Variants in STRN3 observed in about 807,000 individuals in gnomAD.
STRN3 encodes striatin 3.
STRN3 carries 29 observed loss-of-function variants against 95.6 expected under a neutral mutation model. The observed-to-expected ratio is 0.30, with a 90% CI of 0.23 to 0.41. The LOEUF (loss-of-function observed/expected upper bound fraction) is 0.41, where lower values mean the gene tolerates loss of function less well. STRN3 is among the 10% of genes least tolerant of loss of function. The pLI is 1.00. For missense variants in STRN3, 890 were observed against 972.1 expected, an observed-to-expected ratio of 0.92 and a Z score of 1.12; for synonymous variants, 331 against 357.6, an observed-to-expected ratio of 0.93 and a Z score of 0.84.
At chr14:30,909,182 G>C (rs562982229) in intron 13 of STRN3, among the ~76,000 whole-genome samples, 1 of 152,304 alleles carries the variant, frequency 6.6e-6, no homozygotes, top group East Asian at 1.9e-4. Flanking sequence ...AAAAACTACT[G>C]AACTGTAGAC....
chr14:30,925,618 A>G (rs1489911864), intron 8 of STRN3, among the ~76,000 whole-genome samples: 1 of 152,222 alleles, frequency 6.6e-6, no homozygotes, highest in Non-Finnish European at 1.5e-5. Flanking sequence ...TTCTGGTTCA[A>G]TTACACAGTA....
At chr14:30,914,471 G>A (rs1896685553) in intron 9 of STRN3, among the ~76,000 whole-genome samples, 1 of 152,028 alleles carries the variant, frequency 6.6e-6, no homozygotes, top group Admixed American at 6.6e-5. Context: ...TCCTGTCTCG[G>A]TCTCCCAAGT....
At chr14:31,025,763 G>T in intron 1 of STRN3, 141 bp downstream of exon 1, 1 of 1,159,936 alleles carries the variant, frequency 8.6e-7, no homozygotes, top group Non-Finnish European at 1.2e-6. Flanking sequence ...CCGTTGAGAG[G>T]ACCATCACAA....
intron 1 of STRN3, among the ~76,000 whole-genome samples, chr14:30,984,964 T>A (rs1881607428): frequency 6.6e-6 from 1 of 152,166 alleles, no homozygotes; most frequent in South Asian, 2.1e-4. Flanking sequence ...TTTTATGAAG[T>A]ATCCTAAGCT....
Position 30,895,528 on chromosome 14 carries a change from T to C in STRN3, c.2277A>G (p.Gln759=). 6.2e-7 allele frequency: 1 copy of C among 1,614,168 alleles called. No individual in the cohort carries two copies. The highest frequency in any genetic ancestry group is 8.5e-7 in the Non-Finnish European group (1 of 1,180,028). ...LWNLDSKTCV[Q]EITAHRKKLD... ...ATTTCTTTCTGTGAGCTGTTATTTC[T>C]TGCACACATGTCTTGCTGTCTAAAT... is the stretch of plus-strand genomic sequence containing the variant. The change falls in exon 18 of 18, where the codon CAA becomes CAG. Residue 759 remains glutamine, a synonymous_variant. Coordinates refer to ENST00000357479, the MANE Select transcript of STRN3 (RefSeq NM_001083893.2).
At chr14:30,952,231 C>T (rs182011607) in intron 3 of STRN3, among the ~76,000 whole-genome samples, 6 of 152,184 alleles carry the variant, frequency 3.9e-5, no homozygotes, top group Admixed American at 2.6e-4. Flanking sequence ...AAATACTTCC[C>T]CGTAAGTTCC....
rs773480793 is a variant in STRN3, at chr14:30,912,163, G to T, written c.1394C>A (p.Ala465Asp). Reference protein sequence around the residue: ...YSYDLPANKDAFRKTWNPKYT... With the variant: ...YSYDLPANKDDFRKTWNPKYT... ...CTTGGGATTCCATGTCTTTCGAAAGGCATCTTTATTAGCAGGCAACTAAAA... is the reference window on the plus strand; with the variant it reads ...CTTGGGATTCCATGTCTTTCGAAAGTCATCTTTATTAGCAGGCAACTAAAA... The change falls in exon 11 of 18, where the codon GCC becomes GAC. Residue 465 changes from alanine to aspartate, a missense_variant. This residue lies in a region of STRN3 where 357 missense variants were observed against 422.8 expected (regional missense o/e 0.84). Transcript: ENST00000357479. 1 of 1,609,176 alleles carries T rather than the reference G, an allele frequency of 6.2e-7. No individual in the cohort carries two copies. The highest frequency in any genetic ancestry group is 8.5e-7 in the Non-Finnish European group (1 of 1,178,838).
intron 12 of STRN3, 92 bp from the exon 13 acceptor site, chr14:30,911,254 T>C: frequency 1.5e-6 from 2 of 1,331,340 alleles, no homozygotes; most frequent in Non-Finnish European, 2.0e-6. Context: ...TTATGTAATA[T>C]CTAAAAACTG....
chr14:30,993,464 T>C (rs1882058363), intron 1 of STRN3, among the ~76,000 whole-genome samples: 1 of 152,214 alleles, frequency 6.6e-6, no homozygotes. Flanking sequence ...ATTGACTATT[T>C]GCAGTTAAAC....
At chr14:30,921,057 TCTACA>T (rs1233113746) in intron 8 of STRN3, among the ~76,000 whole-genome samples, 1 of 135,058 alleles carries the variant, frequency 7.4e-6, no homozygotes, top group Non-Finnish European at 1.5e-5. Context: ...GAGAAGGCTT[TCTACA>T]CATACATATA....
At chr14:30,909,481 A>AAGAG (rs148536106) in intron 13 of STRN3, among the ~76,000 whole-genome samples, 13 of 150,796 alleles carry the variant, frequency 8.6e-5, no homozygotes, top group African/African-American at 1.5e-4. Context: ...CCAAAAAAGA[A>AAGAG]AGAGAGAGAG....
chr14:30,966,103 C>G (rs959213485), intron 1 of STRN3, among the ~76,000 whole-genome samples: 8 of 150,054 alleles, frequency 5.3e-5, no homozygotes, highest in African/African-American at 2.0e-4. Flanking sequence ...CTCACCCTGT[C>G]ATTCTCTTTT....
At chr14:31,015,107 G>C (rs1016093874) in intron 1 of STRN3, among the ~76,000 whole-genome samples, 1 of 152,088 alleles carries the variant, frequency 6.6e-6, no homozygotes, top group African/African-American at 2.4e-5. Context: ...GGGACTACAA[G>C]CGTGAGCGCC....
At chr14:30,918,577 G>A (rs1020791996) in intron 9 of STRN3, among the ~76,000 whole-genome samples, 12 of 151,922 alleles carry the variant, frequency 7.9e-5, no homozygotes, top group Admixed American at 7.2e-4. Flanking sequence ...CTTCTAGTAA[G>A]TGGTAATTAC....
At position 30,944,230 on chromosome 14, in the gene STRN3, A is replaced by T. The variant is rs375615205; in HGVS notation, c.716+2860T>A. Among the ~76,000 whole-genome samples, 64 of 152,214 alleles carry T rather than the reference A, an allele frequency of 4.2e-4. No individual in the cohort carries two copies. In the East Asian group the frequency reaches 7.7e-3, roughly 18 times the overall value. ...ACCTGTATTGCTGTAAAATATTTAC[A>T]AATTCTATGAACTACGTGGGTGACC... On this transcript the variant is annotated intron_variant, in intron 5 of 17. Transcript: ENST00000357479.
chr14:30,950,104 A>T (rs1879565167), intron 4 of STRN3, among the ~76,000 whole-genome samples: 1 of 152,154 alleles, frequency 6.6e-6, no homozygotes, highest in South Asian at 2.1e-4. Flanking sequence ...GGGAAACAGA[A>T]ATAAAATAAA....
chr14:30,917,004 T>C (rs1236352857), intron 9 of STRN3, among the ~76,000 whole-genome samples: 3 of 152,146 alleles, frequency 2.0e-5, no homozygotes, highest in Non-Finnish European at 4.4e-5. Flanking sequence ...AAGATTGTAA[T>C]GTTGAAGTTC....
intron 1 of STRN3, among the ~76,000 whole-genome samples, chr14:31,021,960 TG>T (rs1027263609): frequency 6.6e-6 from 1 of 152,184 alleles, no homozygotes; most frequent in African/African-American, 2.4e-5. Flanking sequence ...CACAAGGTAG[TG>T]GACTCCCTTA....
At chr14:30,922,018 C>G (rs950957842) in intron 8 of STRN3, among the ~76,000 whole-genome samples, 1 of 151,946 alleles carries the variant, frequency 6.6e-6, no homozygotes, top group African/African-American at 2.4e-5. Flanking sequence ...TGCCCAGTAG[C>G]TGGGACCACA....
Sources: allele counts gnomAD v4.1 joint callset (sites outside exome capture counted in the v4.1 genomes callset), GRCh38; gene constraint gnomAD v4.1.1; regional missense constraint gnomAD v4.1.1; transcripts MANE v1.5; gene names NCBI Gene and HGNC (gene_info 2026-07-23, HGNC 2026-07-21).